PCDH15: variants seen among roughly 807,000 people sequenced by gnomAD.
PCDH15 encodes protocadherin related 15.
PCDH15 carries 129 observed loss-of-function variants against 178.5 expected under a neutral mutation model. The observed-to-expected ratio is 0.72, with a 90% CI of 0.63 to 0.84. The LOEUF (loss-of-function observed/expected upper bound fraction) is 0.84, where lower values mean the gene tolerates loss of function less well. PCDH15 is among the 40% of genes least tolerant of loss of function. The probability of loss-of-function intolerance (pLI) is 0.00; values close to 1 mark genes in which losing one functional copy is unlikely to be tolerated. For synonymous variants in PCDH15, 800 were observed against 732.0 expected, an observed-to-expected ratio of 1.09 and a Z score of -1.50; for missense variants, 2,230 against 2,099.9, an observed-to-expected ratio of 1.06 and a Z score of -1.21.
intron 3 of PCDH15, among the ~76,000 whole-genome samples, chr10:54,839,979 C>CA (rs201039716): frequency 9.2e-5 from 14 of 151,400 alleles, no homozygotes; most frequent in South Asian, 2.1e-4. Flanking sequence ...ATCAAACAAA[C>CA]AAAAAAAACA....
rs1302104694 is a variant in PCDH15, at chr10:54,421,853, ATATATATATACACACAC to A, written c.158-42928_158-42912del. On this transcript the variant is annotated intron_variant, in intron 3 of 37. Transcript: ENST00000644397. ...ATATATATATACACACACACTATAT[ATATATATATACACACAC>A]TATATATATATATACACACACACAC... Among the ~76,000 whole-genome samples, 270 of 92,860 alleles carry A rather than the reference ATATATATATACACACAC, an allele frequency of 2.9e-3. 5 individuals carry two copies. Among genetic ancestry groups the A allele is most frequent in the African/African-American group, 0.011 (241 of 22,296 alleles). 60.9% of individuals were successfully genotyped at this position (92,860 alleles called of 152,430 possible). A position where few individuals can be genotyped will look rare whatever the true frequency, so the allele number is the denominator to read the frequency against.
chr10:54,116,777 G>A (rs888586542), intron 15 of PCDH15, among the ~76,000 whole-genome samples: 3 of 152,144 alleles, frequency 2.0e-5, no homozygotes, highest in Admixed American at 2.0e-4. Context: ...GTTGTGTTTA[G>A]AAAATTTTAA....
At chr10:55,350,228 CATATAT>C (rs869240598) in intron 2 of PCDH15, among the ~76,000 whole-genome samples, 1,189 of 73,322 alleles carry the variant, frequency 0.016, 28 homozygotes, top group African/African-American at 0.041. Context: ...TATATAAACT[CATATAT>C]ATATATATAT....
chr10:54,208,301 A>T (rs1480946683), intron 10 of PCDH15, among the ~76,000 whole-genome samples: 1 of 152,072 alleles, frequency 6.6e-6, no homozygotes, highest in Non-Finnish European at 1.5e-5. Flanking sequence ...GGTAGAAAAG[A>T]TAAACTTATT....
At chr10:55,496,732 T>C (rs1840543143) in intron 2 of PCDH15, among the ~76,000 whole-genome samples, 1 of 151,854 alleles carries the variant, frequency 6.6e-6, no homozygotes, top group Non-Finnish European at 1.5e-5. Flanking sequence ...ACATACTATA[T>C]ATGGGCTTAT....
chr10:55,442,939 T>G (rs1198941893), intron 2 of PCDH15, among the ~76,000 whole-genome samples: 1 of 152,100 alleles, frequency 6.6e-6, no homozygotes, highest in African/African-American at 2.4e-5. Flanking sequence ...GAAAAAGATA[T>G]AGATATTATA....
At chr10:54,457,382 A>G (rs147175154) in intron 3 of PCDH15, among the ~76,000 whole-genome samples, 159 of 152,246 alleles carry the variant, frequency 1.0e-3, no homozygotes, top group African/African-American at 3.6e-3. Flanking sequence ...GACTTTAACA[A>G]TGTCCTATTC....
At chr10:54,931,445 C>A (rs917589859) in intron 2 of PCDH15, among the ~76,000 whole-genome samples, 1 of 152,142 alleles carries the variant, frequency 6.6e-6, no homozygotes, top group East Asian at 1.9e-4. Flanking sequence ...CACTAGTGGG[C>A]AACCAGTGAA....
chr10:54,807,723 TA>T, intron 3 of PCDH15, among the ~76,000 whole-genome samples: 1 of 148,498 alleles, frequency 6.7e-6, no homozygotes, highest in Non-Finnish European at 1.5e-5. Flanking sequence ...TATTTATATA[TA>T]AATATGGATA....
intron 2 of PCDH15, among the ~76,000 whole-genome samples, chr10:55,538,518 C>CTCCT (rs1564442021): frequency 6.3e-5 from 7 of 111,304 alleles, no homozygotes; most frequent in East Asian, 3.7e-4. Context: ...TCTTTCCTTC[C>CTCCT]TTCCTCCCTT....
At chr10:54,744,461 G>C (rs1268287577) in intron 1 of PCDH15, among the ~76,000 whole-genome samples, 2 of 151,676 alleles carry the variant, frequency 1.3e-5, no homozygotes, top group Non-Finnish European at 2.9e-5. Flanking sequence ...TAACTTTAGA[G>C]GAAAAAAAGA....
intron 2 of PCDH15, among the ~76,000 whole-genome samples, chr10:55,009,015 C>T (rs1259707926): frequency 6.6e-6 from 1 of 152,096 alleles, no homozygotes; most frequent in Non-Finnish European, 1.5e-5. Context: ...CAATAAAGAC[C>T]TCCAGATGTC....
At chr10:54,064,062 G>A (rs1317847379) in intron 18 of PCDH15, among the ~76,000 whole-genome samples, 1 of 152,194 alleles carries the variant, frequency 6.6e-6, no homozygotes, top group African/African-American at 2.4e-5. Flanking sequence ...AATGAGGTAC[G>A]CGCACAGCTG....
intron 1 of PCDH15, among the ~76,000 whole-genome samples, chr10:55,302,992 C>A (rs1343231337): frequency 6.6e-6 from 1 of 151,950 alleles, no homozygotes; most frequent in Non-Finnish European, 1.5e-5. Flanking sequence ...AATACTACAA[C>A]ACAAAGTTAA....
chr10:55,308,209 C>T (rs1228418075), intron 1 of PCDH15, among the ~76,000 whole-genome samples: 1 of 152,148 alleles, frequency 6.6e-6, no homozygotes, highest in East Asian at 1.9e-4. Context: ...ATTTAATTCT[C>T]TCCATGGGCC....
intron 8 of PCDH15, among the ~76,000 whole-genome samples, chr10:54,286,503 T>G (rs1010910772): frequency 1.3e-5 from 2 of 152,206 alleles, no homozygotes; most frequent in African/African-American, 4.8e-5. Flanking sequence ...ATCTATAGAT[T>G]CATCAAGCAA....
chr10:54,109,226 C>T (rs1232495393), intron 15 of PCDH15, among the ~76,000 whole-genome samples: 2 of 152,172 alleles, frequency 1.3e-5, no homozygotes, highest in African/African-American at 2.4e-5. Context: ...CCAGAAATCT[C>T]ACTTCTAGGT....
chr10:54,026,483 T>G (rs1196314453), intron 18 of PCDH15, among the ~76,000 whole-genome samples: 3 of 152,224 alleles, frequency 2.0e-5, no homozygotes, highest in Non-Finnish European at 4.4e-5. Context: ...ATAATCAGTT[T>G]AAATTGGTAT....
chr10:53,909,812 G>A (rs186086653), intron 25 of PCDH15, among the ~76,000 whole-genome samples: 27 of 152,286 alleles, frequency 1.8e-4, no homozygotes, highest in African/African-American at 2.2e-4. Context: ...CAAATGCTGC[G>A]CTTTTCCAAT....
Sources: gnomAD v4.1 joint callset for allele counts (sites outside exome capture counted in the v4.1 genomes callset) on GRCh38, gnomAD v4.1.1 for gene constraint, MANE v1.5 for transcripts, NCBI Gene and HGNC (gene_info 2026-07-23, HGNC 2026-07-21) for gene names.